The following TBC1D32 variants were observed in gnomAD, a reference collection of about 807,000 sequenced individuals.
TBC1D32 encodes TBC1 domain family member 32.
Under a neutral mutation model 170.3 loss-of-function variants are expected in TBC1D32, and 151 were observed. The observed-to-expected ratio is 0.89, with a 90% CI of 0.78 to 1.01. The LOEUF (loss-of-function observed/expected upper bound fraction) is 1.01, where lower values mean the gene tolerates loss of function less well. Among genes scored for constraint, TBC1D32 ranks in the 50% least tolerant of loss-of-function variants. The probability of loss-of-function intolerance (pLI) is 0.00; values close to 1 mark genes in which losing one functional copy is unlikely to be tolerated. For synonymous variants in TBC1D32, 498 were observed against 488.0 expected (o/e 1.02, Z -0.27); for missense variants, 1,464 against 1,457.1 (o/e 1.00, Z -0.08).
intron 14 of TBC1D32, among the ~76,000 whole-genome samples, chr6:121,280,982 C>T (rs900305885): frequency 2.0e-5 from 3 of 151,812 alleles, no homozygotes; most frequent in Non-Finnish European, 4.4e-5. Context: ...GCAACTCTGC[C>T]ACTTGTTAAA....
chr6:121,189,658 T>C lies in TBC1D32; in HGVS notation c.2570+15417A>G, dbSNP rs946866994. On this transcript the variant is annotated intron_variant, in intron 22 of 31. Coordinates refer to ENST00000398212, the MANE Select transcript of TBC1D32 (RefSeq NM_152730.6). ...CATCATAACACTATACACAGCTGCA[T>C]AGCATGTCAGCATTACCCAGGAGAC... Among the ~76,000 whole-genome samples, 12 of 152,158 alleles carry C rather than the reference T, an allele frequency of 7.9e-5. No individual in the cohort carries two copies. The South Asian group carries it at 1.9e-3, about 24-fold the overall frequency.
At chr6:121,115,371 A>G (rs183391862) in intron 26 of TBC1D32, 130 bp from the exon 27 acceptor site, 3 of 581,248 alleles carry the variant, frequency 5.2e-6, no homozygotes, top group East Asian at 3.2e-5. Context: ...TGATGAATTT[A>G]TTCTTTTAGG....
At chr6:121,092,949 A>T (rs114051059) in intron 30 of TBC1D32, among the ~76,000 whole-genome samples, 1 of 152,246 alleles carries the variant, frequency 6.6e-6, no homozygotes, top group Non-Finnish European at 1.5e-5. Context: ...ACTCATATCA[A>T]TTATTAACCT....
intron 17 of TBC1D32, among the ~76,000 whole-genome samples, chr6:121,253,824 T>C (rs1798614977): frequency 1.3e-5 from 2 of 152,172 alleles, no homozygotes; most frequent in Admixed American, 6.5e-5. Flanking sequence ...GAAAACAGTA[T>C]GGAGATTCCT....
intron 5 of TBC1D32, among the ~76,000 whole-genome samples, chr6:121,305,262 T>C (rs371323061): frequency 6.6e-6 from 1 of 152,226 alleles, no homozygotes; most frequent in East Asian, 1.9e-4. Flanking sequence ...GAATTATTTC[T>C]AATAATTTTG....
chr6:121,229,670 T>G (rs1795498147), intron 20 of TBC1D32, among the ~76,000 whole-genome samples: 1 of 152,096 alleles, frequency 6.6e-6, no homozygotes, highest in South Asian at 2.1e-4. Flanking sequence ...AATGATGACG[T>G]TCTACTTCCA....
Position 121,308,028 on chromosome 6 carries a change from G to C in TBC1D32, c.638C>G (p.Thr213Ser). The change falls in exon 5 of 32, where the codon ACT (threonine) becomes AGT (serine). Residue 213 changes from threonine to serine, a missense_variant. Thr to Ser is a moderately conservative substitution (Grantham distance 58). Transcript: ENST00000398212. The part of the protein sequence containing the change: ...SDVLNCENWT[T>S]LCEKLTVSLS... ...AGACACGGTCAGTTTTTCGCAGAGA[G>C]TAGTCCAATTTTCACAGTTGAGGAC... 1 of 1,613,842 alleles carries C rather than the reference G, an allele frequency of 6.2e-7. No homozygotes were observed. Among genetic ancestry groups the C allele is most frequent in the Non-Finnish European group, 8.5e-7 (1 of 1,179,842 alleles).
intron 15 of TBC1D32, among the ~76,000 whole-genome samples, chr6:121,276,600 G>C (rs1172947329): frequency 1.3e-5 from 2 of 151,940 alleles, no homozygotes; most frequent in Non-Finnish European, 2.9e-5. Flanking sequence ...ATCAATAAAA[G>C]ACTATCAAAG....
intron 24 of TBC1D32, among the ~76,000 whole-genome samples, chr6:121,154,400 C>T (rs933886709): frequency 7.2e-5 from 11 of 152,194 alleles, no homozygotes; most frequent in African/African-American, 2.7e-4. Flanking sequence ...CTGCATTGGT[C>T]TCACTGGGAT....
intron 15 of TBC1D32, among the ~76,000 whole-genome samples, chr6:121,262,962 A>G (rs1018670691): frequency 5.3e-5 from 8 of 152,164 alleles, no homozygotes; most frequent in African/African-American, 1.9e-4. Context: ...AGTACCAGCC[A>G]CTGAAAAAAA....
At position 121,186,940 on chromosome 6, in the gene TBC1D32, T is replaced by A. The variant is rs1583131846; in HGVS notation, c.2570+18135A>T. 3.9e-5 allele frequency among the ~76,000 whole-genome samples: 6 copies of A among 152,140 alleles called. 1 individual carries two copies. Among genetic ancestry groups the A allele is most frequent in the Admixed American group, 3.9e-4 (6 of 15,256 alleles). ...CTCAAAATATTCAAAGAGCTTAGAA[T>A]GGTCCTGCCAACAGTAAGCACTCTT... is the stretch of plus-strand genomic sequence containing the variant. On this transcript the variant is annotated intron_variant, in intron 22 of 31. Coordinates refer to ENST00000398212, the MANE Select transcript of TBC1D32 (RefSeq NM_152730.6).
intron 12 of TBC1D32, 148 bp downstream of exon 12, chr6:121,291,905 A>T: frequency 1.3e-6 from 1 of 763,316 alleles, no homozygotes; most frequent in Non-Finnish European, 1.8e-6. Context: ...GAAAACAAAT[A>T]CTTCAAAGTG....
intron 20 of TBC1D32, among the ~76,000 whole-genome samples, chr6:121,227,238 A>C (rs917873804): frequency 3.3e-5 from 5 of 152,174 alleles, no homozygotes; most frequent in Non-Finnish European, 5.9e-5. Flanking sequence ...ATTTAGATTC[A>C]GGGAGAGGAT....
intron 30 of TBC1D32, chr6:121,095,900 T>C (rs1242553766): frequency 3.3e-5 from 5 of 152,026 alleles, no homozygotes; most frequent in Non-Finnish European, 7.4e-5. Context: ...TTCTTTTTTG[T>C]GTGTGTCTCT....
rs114372918 is a variant in TBC1D32, at chr6:121,191,269, T to G, written c.2570+13806A>C. On this transcript the variant is annotated intron_variant, in intron 22 of 31. Transcript: ENST00000398212. ...CATTTCATTCCCCTAACATAAAAGT[T>G]TTCCTTCTGATTGGCACACACAAAA... is the stretch of plus-strand genomic sequence containing the variant. Among the ~76,000 whole-genome samples, 467 of 152,326 alleles carry G rather than the reference T, an allele frequency of 3.1e-3. 4 individuals carry two copies. The highest frequency in any genetic ancestry group is 0.011 in the African/African-American group (452 of 41,582).
At chr6:121,115,623 G>A (rs192938935) in intron 26 of TBC1D32, 10 of 155,426 alleles carry the variant, frequency 6.4e-5, no homozygotes, top group East Asian at 3.7e-4. Context: ...TGGTTATTTC[G>A]TTCCTGATAC....
intron 30 of TBC1D32, among the ~76,000 whole-genome samples, chr6:121,098,026 T>A (rs997096602): frequency 2.7e-5 from 4 of 150,418 alleles, no homozygotes; most frequent in African/African-American, 9.8e-5. Context: ...GAGGGGAACA[T>A]GACAGACTGG....
At position 121,270,445 on chromosome 6, in the gene TBC1D32, C is replaced by G. The variant is rs187478286; in HGVS notation, c.1733+8676G>C. Among the ~76,000 whole-genome samples, 186 of 152,230 alleles carry G rather than the reference C, an allele frequency of 1.2e-3. 1 individual carries two copies. The highest frequency in any genetic ancestry group is 4.3e-3 in the African/African-American group (179 of 41,510). ...AAAGGGTATATCACCACCAATCCCA[C>G]AGAAATACAAACTACCATCAGAGAA... is the stretch of plus-strand genomic sequence containing the variant. On this transcript the variant is annotated intron_variant, in intron 15 of 31. Coordinates refer to ENST00000398212, the MANE Select transcript of TBC1D32 (RefSeq NM_152730.6).
At chr6:121,196,345 C>A (rs1790734493) in intron 22 of TBC1D32, among the ~76,000 whole-genome samples, 1 of 152,174 alleles carries the variant, frequency 6.6e-6, no homozygotes, top group African/African-American at 2.4e-5. Context: ...AATTTGCCAG[C>A]AGCAGAGACC....
Sources: gnomAD v4.1 joint callset for allele counts (sites outside exome capture counted in the v4.1 genomes callset) on GRCh38, gnomAD v4.1.1 for gene constraint, MANE v1.5 for transcripts, NCBI Gene and HGNC (gene_info 2026-07-23, HGNC 2026-07-21) for gene names.